Variants in MYO5B observed in about 807,000 individuals in gnomAD.
MYO5B encodes the protein unconventional myosin-Vb.
MYO5B carries 143 observed loss-of-function variants against 229.3 expected under a neutral mutation model. The ratio of observed to expected loss-of-function variants is 0.62; its 90% confidence interval spans 0.54 to 0.72. The LOEUF (loss-of-function observed/expected upper bound fraction) is 0.72. Ranked by LOEUF, MYO5B falls within the 30% of genes least tolerant of loss-of-function variation. The probability of loss-of-function intolerance (pLI) is 0.00; values close to 1 mark genes in which losing one functional copy is unlikely to be tolerated. For synonymous variants in MYO5B, 918 were observed against 885.2 expected (o/e 1.04, Z -0.66); for missense variants, 2,321 against 2,331.0 (o/e 1.00, Z 0.09).
chr18:50,044,304 C>T (rs528308179), intron 2 of MYO5B, among the ~76,000 whole-genome samples: 55 of 152,194 alleles, frequency 3.6e-4, no homozygotes, highest in African/African-American at 1.3e-3. Context: ...AATATTGCTG[C>T]TAGTGTCTGG....
intron 21 of MYO5B, 71 bp downstream of exon 21, chr18:49,902,523 G>A (rs2024853127): frequency 1.3e-6 from 2 of 1,593,484 alleles, no homozygotes; most frequent in Non-Finnish European, 1.7e-6. Flanking sequence ...CCTCAAGGAA[G>A]CTGTGGGCTC....
Position 49,980,562 on chromosome 18 carries a change from GA to G in MYO5B, c.947-10del, listed in dbSNP as rs765942422. ...ATGGGACTCTTTCACTCCTGGAAAAGAAAAATGAATGGATGACACTCAGTAT... is the reference window on the plus strand; with the variant it reads ...ATGGGACTCTTTCACTCCTGGAAAAGAAAATGAATGGATGACACTCAGTAT... On this transcript the variant is annotated splice_polypyrimidine_tract_variant and intron_variant, in intron 8 of 39. Coordinates refer to ENST00000285039, the MANE Select transcript of MYO5B (RefSeq NM_001080467.3). 1 of 1,571,700 alleles carries G rather than the reference GA, an allele frequency of 6.4e-7. No individual in the cohort carries two copies. Among genetic ancestry groups the G allele is most frequent in the Non-Finnish European group, 8.8e-7 (1 of 1,141,538 alleles).
At chr18:50,055,224 T>C (rs1220288733) in intron 2 of MYO5B, 44 bp downstream of exon 2, 1 of 658,276 alleles carries the variant, frequency 1.5e-6, no homozygotes, top group Non-Finnish European at 2.9e-6. Flanking sequence ...CTGAGCTCCC[T>C]GCCCCACCTC....
chr18:49,888,944 C>T (rs1325032374), intron 22 of MYO5B, among the ~76,000 whole-genome samples: 1 of 152,228 alleles, frequency 6.6e-6, no homozygotes, highest in Non-Finnish European at 1.5e-5. Context: ...GCAATGCTTC[C>T]TCATACACCT....
At chr18:50,007,253 C>A (rs1374524161) in intron 4 of MYO5B, among the ~76,000 whole-genome samples, 1 of 152,202 alleles carries the variant, frequency 6.6e-6, no homozygotes. Context: ...TACTCATTCA[C>A]TCCAGCAAGA....
rs374625589 is a variant in MYO5B, at chr18:49,934,784, T to C, written c.2003+1468A>G. 1.4e-4 allele frequency among the ~76,000 whole-genome samples: 21 copies of C among 152,356 alleles called. No homozygotes were observed. The East Asian group carries it at 3.3e-3, about 24-fold the overall frequency. ...GAAAACTGGTAACATTCTGTCTCCTTAACCTTTTCCACACAGAGCCCATCT... is the reference window on the plus strand; with the variant it reads ...GAAAACTGGTAACATTCTGTCTCCTCAACCTTTTCCACACAGAGCCCATCT... On this transcript the variant is annotated intron_variant, in intron 16 of 39. Coordinates refer to ENST00000285039, the MANE Select transcript of MYO5B (RefSeq NM_001080467.3).
intron 12 of MYO5B, among the ~76,000 whole-genome samples, chr18:49,958,688 G>C (rs2025523491): frequency 6.6e-6 from 1 of 152,158 alleles, no homozygotes; most frequent in African/African-American, 2.4e-5. Flanking sequence ...CAAACTCGCT[G>C]TCTCCACTGC....
At chr18:50,157,227 T>A (rs1030939653) in intron 1 of MYO5B, among the ~76,000 whole-genome samples, 1 of 152,002 alleles carries the variant, frequency 6.6e-6, no homozygotes, top group Non-Finnish European at 1.5e-5. Flanking sequence ...TGCCTCAGCC[T>A]CCCAAGTAGC....
chr18:50,073,731 TC>T (rs2031013432), intron 1 of MYO5B, among the ~76,000 whole-genome samples: 1 of 152,078 alleles, frequency 6.6e-6, no homozygotes. Context: ...AGCCCCTGAA[TC>T]CTTTCCTACC....
intron 1 of MYO5B, among the ~76,000 whole-genome samples, chr18:50,076,949 G>C (rs1283806836): frequency 1.3e-5 from 2 of 150,024 alleles, no homozygotes; most frequent in Admixed American, 6.6e-5. Context: ...AAATCCAATA[G>C]TATAAAATAA....
At chr18:49,903,047 T>A (rs1314529155) in intron 20 of MYO5B, among the ~76,000 whole-genome samples, 1 of 152,230 alleles carries the variant, frequency 6.6e-6, no homozygotes, top group African/African-American at 2.4e-5. Flanking sequence ...GGGAATCAGC[T>A]GTCAAACTCT....
At chr18:50,054,701 TC>T (rs1383004742) in intron 2 of MYO5B, among the ~76,000 whole-genome samples, 1 of 152,134 alleles carries the variant, frequency 6.6e-6, no homozygotes, top group Admixed American at 6.5e-5. Flanking sequence ...TAAAAAATGC[TC>T]ACTACAGCAG....
At chr18:49,902,399 C>A (rs2024851550) in intron 21 of MYO5B, among the ~76,000 whole-genome samples, 195 bp downstream of exon 21, 2 of 152,254 alleles carry the variant, frequency 1.3e-5, no homozygotes, top group Non-Finnish European at 2.9e-5. Flanking sequence ...GTAACACACT[C>A]ACAGATCCCA....
At chr18:49,896,216 C>T (rs568898040) in intron 21 of MYO5B, among the ~76,000 whole-genome samples, 5 of 152,242 alleles carry the variant, frequency 3.3e-5, no homozygotes, top group Admixed American at 6.5e-5. Context: ...GTGACCAGTA[C>T]GGCAATGCAC....
rs759863934 is a variant in MYO5B at position 49,826,540 on chromosome 18, T to C, written c.5478A>G (p.Pro1826=). Residue 1826 remains proline, a synonymous_variant, in exon 40 of 40, where the codon CCA becomes CCG. Coordinates refer to ENST00000285039, the MANE Select transcript of MYO5B (RefSeq NM_001080467.3). ...HMFPVLFPFN[P]SSLTMDSIHI... is the part of the protein sequence containing the mutation. ...GGATTGAGTCCATGGTTAGAGAAGATGGATTAAATGGAAACAAAACAGGAA... is the reference window on the plus strand; with the variant it reads ...GGATTGAGTCCATGGTTAGAGAAGACGGATTAAATGGAAACAAAACAGGAA... 6.2e-6 allele frequency: 10 copies of C among 1,614,056 alleles called. No homozygotes were observed. Among genetic ancestry groups the C allele is most frequent in the South Asian group, 1.1e-5 (1 of 91,078 alleles).
chr18:50,034,173 T>G (rs2026422897), intron 4 of MYO5B, among the ~76,000 whole-genome samples: 1 of 152,358 alleles, frequency 6.6e-6, no homozygotes, highest in South Asian at 2.1e-4. Flanking sequence ...AAGTACACTG[T>G]GCTAGCCTAT....
At chr18:50,043,325 T>C (rs2030087574) in intron 2 of MYO5B, among the ~76,000 whole-genome samples, 1 of 94,118 alleles carries the variant, frequency 1.1e-5, no homozygotes, top group Non-Finnish European at 2.0e-5. Context: ...ATATAAAATA[T>C]ATATTTTATA....
intron 1 of MYO5B, among the ~76,000 whole-genome samples, chr18:50,165,516 G>A (rs763060670): frequency 2.2e-4 from 34 of 152,198 alleles, no homozygotes; most frequent in Non-Finnish European, 4.1e-4. Context: ...TGGCTCACGC[G>A]TGTAATCCCA....
In MYO5B at chr18:49,826,163, G is replaced by A. The variant is rs555879; in HGVS notation, c.*308C>T. On this transcript the variant is annotated 3_prime_UTR_variant, in exon 40 of 40. Transcript: ENST00000285039. ...GCAAAGATCAAAACTAGGCAGCTTC[G>A]TTTTATAGAATTGACACCTTTTATA... 0.54 allele frequency: 197,538 copies of A among 366,126 alleles called. 53,808 individuals carry two copies. Among genetic ancestry groups the A allele is most frequent in the Admixed American group, 0.62 (15,221 of 24,614 alleles). 22.7% of individuals were successfully genotyped at this position (366,126 alleles called of 1,614,324 possible).
Sources: gnomAD v4.1 joint callset for allele counts (sites outside exome capture counted in the v4.1 genomes callset) on GRCh38, gnomAD v4.1.1 for gene constraint, MANE v1.5 for transcripts, NCBI Gene and HGNC (gene_info 2026-07-23, HGNC 2026-07-21) for gene names.